The following CNOT1 variants were observed in gnomAD, a reference collection of about 807,000 sequenced individuals.
The protein encoded by CNOT1 is CCR4-NOT transcription complex subunit 1.
In CNOT1, 15 loss-of-function variants were observed where a neutral mutation model predicts 273.8. That is an observed-to-expected ratio of 0.05 (90% CI 0.04 to 0.08). CNOT1 has a LOEUF of 0.08. Ranked by LOEUF, CNOT1 falls within the 10% of genes least tolerant of loss-of-function variation. The probability of loss-of-function intolerance (pLI) is 1.00; values close to 1 mark genes in which losing one functional copy is unlikely to be tolerated. For synonymous variants in CNOT1, 1,022 were observed against 1,005.5 expected, an observed-to-expected ratio of 1.02 and a Z score of -0.31; for missense variants, 1,644 against 2,912.2, an observed-to-expected ratio of 0.56 and a Z score of 10.02.
intron 18 of CNOT1, among the ~76,000 whole-genome samples, chr16:58,557,215 A>G (rs1403645981): frequency 6.6e-6 from 1 of 152,190 alleles, no homozygotes; most frequent in African/African-American, 2.4e-5. Context: ...TAGCATCTGG[A>G]ATTATTTATA....
At chr16:58,546,887 C>A in intron 27 of CNOT1, 138 bp from the exon 28 acceptor site, 1 of 1,152,112 alleles carries the variant, frequency 8.7e-7, no homozygotes, top group Admixed American at 2.5e-5. Flanking sequence ...AAAAAATAAC[C>A]AAAAACAGTT....
chr16:58,585,473 G>A lies in CNOT1; in HGVS notation c.671C>T (p.Ala224Val). The A allele has an allele frequency of 6.2e-7, 1 of 1,613,544 alleles. No individual in the cohort carries two copies. Among genetic ancestry groups the A allele is most frequent in the Non-Finnish European group, 8.5e-7 (1 of 1,179,962 alleles). ...CCGTTTTTCAGGGTATAAAAGTGGTGCGAGCACCACGGGACAGCGTTCTTG... is the reference window on the plus strand; with the variant it reads ...CCGTTTTTCAGGGTATAAAAGTGGTACGAGCACCACGGGACAGCGTTCTTG... ...FPQERCPVVL[A>V]PLLYPEKRDI... Residue 224 changes from alanine (A) to valine (V), a missense_variant, in exon 8 of 49, where the codon GCA (alanine) becomes GTA (valine). This residue lies in a region of CNOT1 where 706 missense variants were observed against 1,021.2 expected (regional missense o/e 0.69). Transcript: ENST00000317147.
chr16:58,592,372 T>C (rs945209082), intron 2 of CNOT1, among the ~76,000 whole-genome samples: 16 of 152,160 alleles, frequency 1.1e-4, no homozygotes, highest in African/African-American at 3.6e-4. Context: ...TAACACGGTA[T>C]TAAAAATACT....
intron 8 of CNOT1, among the ~76,000 whole-genome samples, chr16:58,584,916 C>T (rs1309342817): frequency 6.6e-6 from 1 of 151,670 alleles, no homozygotes; most frequent in Non-Finnish European, 1.5e-5. Flanking sequence ...GAGAAAAATA[C>T]GCAAGAGGCA....
At position 58,553,851 on chromosome 16, in the gene CNOT1, G is replaced by A. The variant is rs1451765959; in HGVS notation, c.2901C>T (p.Asp967=). 1 of 1,607,908 alleles carries A rather than the reference G, an allele frequency of 6.2e-7. No individual in the cohort carries two copies. Among genetic ancestry groups the A allele is most frequent in the Non-Finnish European group, 8.5e-7 (1 of 1,178,466 alleles). ...ALDRFKNRLK[D]YPQYCQHLAS... is the part of the protein sequence containing the mutation. ...CCAAATGCTGACAATACTGGGGATA[G>A]TCCTTCAATCTGCCAACAAAATTAT... The change falls in exon 22 of 49, where the codon GAC becomes GAT. Residue 967 remains aspartate, a synonymous_variant. Transcript: ENST00000317147.
intron 1 of CNOT1, among the ~76,000 whole-genome samples, chr16:58,607,069 T>C (rs2152025390): frequency 6.6e-6 from 1 of 152,264 alleles, no homozygotes; most frequent in Non-Finnish European, 1.5e-5. Flanking sequence ...AAAAGTATAC[T>C]CATGACACTA....
intron 39 of CNOT1, among the ~76,000 whole-genome samples, chr16:58,535,400 A>G (rs757112245): frequency 7.2e-5 from 11 of 152,196 alleles, no homozygotes; most frequent in Non-Finnish European, 1.3e-4. Context: ...GTCAAGGAGG[A>G]GCGCAAGAAG....
intron 2 of CNOT1, among the ~76,000 whole-genome samples, chr16:58,590,615 A>T (rs1223073848): frequency 6.6e-6 from 1 of 152,072 alleles, no homozygotes; most frequent in East Asian, 1.9e-4. Flanking sequence ...AAAATAGAAC[A>T]GAGTCTGGGT....
intron 1 of CNOT1, among the ~76,000 whole-genome samples, chr16:58,625,850 CCT>C (rs1194747229): frequency 5.8e-5 from 7 of 121,028 alleles, no homozygotes; most frequent in Non-Finnish European, 8.5e-5. Flanking sequence ...GAAGTGAAAC[CCT>C]GTCTCAAAAA....
At chr16:58,526,589 C>T (rs988026976) in intron 44 of CNOT1, among the ~76,000 whole-genome samples, 2 of 150,714 alleles carry the variant, frequency 1.3e-5, no homozygotes, top group East Asian at 2.0e-4. Context: ...TTTGGGAGGC[C>T]GAGGTAGGCG....
chr16:58,547,536 T>C lies in CNOT1; in HGVS notation c.3639+30A>G. 1 of 1,588,652 alleles carries C rather than the reference T, an allele frequency of 6.3e-7. No individual in the cohort carries two copies. Among genetic ancestry groups the C allele is most frequent in the Admixed American group, 1.8e-5 (1 of 56,626 alleles). ...TGTAATCATAATGTGCTGAAGATTC[T>C]CAATTTTTACACATTTAGATGAAAC... On this transcript the variant is annotated intron_variant, in intron 26 of 48. Coordinates refer to ENST00000317147, the MANE Select transcript of CNOT1 (RefSeq NM_016284.5). This position sits in a 1 kb window ranked among gnomAD's most constrained non-coding sequence, Gnocchi z 4.0.
At chr16:58,564,851 G>C (rs534102987) in intron 16 of CNOT1, among the ~76,000 whole-genome samples, 32 of 152,096 alleles carry the variant, frequency 2.1e-4, no homozygotes, top group African/African-American at 7.2e-4. Flanking sequence ...CAGGAGAATC[G>C]CTTGAACCTG....
rs930053 is a variant in CNOT1 at position 58,597,542 on chromosome 16, A to G, written c.102+1694T>C. The G allele has an allele frequency of 1.9e-5, 5 of 258,040 alleles. No individual in the cohort carries two copies. The South Asian group carries it at 2.0e-4, about 10-fold the overall frequency. The allele number at this position is 258,040 out of a possible 1,614,324, so 16.0% of individuals were successfully genotyped here. On this transcript the variant is annotated intron_variant, in intron 2 of 48. Transcript: ENST00000317147. ...TGCACCACCCTCCTCAACACAAAAA[A>G]AAGTTGAGAATGAATGTAAAAGTGT...
intron 18 of CNOT1, among the ~76,000 whole-genome samples, chr16:58,558,017 A>G (rs1381602429): frequency 1.3e-5 from 1 of 74,840 alleles, no homozygotes; most frequent in Non-Finnish European, 4.9e-5. Context: ...AAACAAACGA[A>G]AAAAAACCTT....
intron 1 of CNOT1, among the ~76,000 whole-genome samples, chr16:58,605,959 T>C (rs1303280686): frequency 6.6e-6 from 1 of 151,938 alleles, no homozygotes; most frequent in Non-Finnish European, 1.5e-5. Flanking sequence ...CCCAGCCAAA[T>C]TACCTTGTTT....
At chr16:58,627,474 T>C (rs1012381561) in intron 1 of CNOT1, among the ~76,000 whole-genome samples, 4 of 144,074 alleles carry the variant, frequency 2.8e-5, no homozygotes, top group Non-Finnish European at 4.5e-5. Context: ...TCAGAAAAAG[T>C]AACATGCAAG....
At chr16:58,583,258 A>G in intron 8 of CNOT1, 76 bp from the exon 9 acceptor site, 1 of 1,577,974 alleles carries the variant, frequency 6.3e-7, no homozygotes, top group South Asian at 1.2e-5. Context: ...CATTAAATGA[A>G]CCTTGTTTGA....
In CNOT1 at chr16:58,525,282, A is replaced by G. The variant is rs544521681; in HGVS notation, c.6681T>C (p.Ile2227=). The change falls in exon 46 of 49, where the codon ATT becomes ATC. Residue 2227 remains isoleucine (I), a synonymous_variant. Coordinates refer to ENST00000317147, the MANE Select transcript of CNOT1 (RefSeq NM_016284.5). Reference sequence around the variant, plus strand: ...TGCTGCCCTTGTTGTGGATGTGCGCAATGGCCTGAGTCCCGACATAGAGCA... The same window carrying G: ...TGCTGCCCTTGTTGTGGATGTGCGCGATGGCCTGAGTCCCGACATAGAGCA... ...ALVLYVGTQA[I]AHIHNKGSTP... 49 of 1,614,018 alleles carry G rather than the reference A, an allele frequency of 3.0e-5. No individual in the cohort carries two copies. The South Asian group carries it at 4.9e-4, about 16-fold the overall frequency.
chr16:58,533,336 G>A (rs2039826768), intron 40 of CNOT1, among the ~76,000 whole-genome samples: 1 of 152,106 alleles, frequency 6.6e-6, no homozygotes, highest in South Asian at 2.1e-4. Flanking sequence ...GACCCAATAG[G>A]GTTAAGAACC....
Sources: gnomAD v4.1 joint callset for allele counts (sites outside exome capture counted in the v4.1 genomes callset) on GRCh38, gnomAD v4.1.1 for gene constraint, gnomAD v4.1.1 regional missense constraint, Gnocchi (gnomAD v3.1) non-coding constraint, MANE v1.5 for transcripts, NCBI Gene and HGNC (gene_info 2026-07-23, HGNC 2026-07-21) for gene names.